SMOX: variants seen among roughly 807,000 people sequenced by gnomAD.
The protein encoded by SMOX is flavin containing amine oxidase.
Under a neutral mutation model 51.0 loss-of-function variants are expected in SMOX, and 22 were observed. That is an observed-to-expected ratio of 0.43 (90% CI 0.31 to 0.62). The LOEUF is 0.62. SMOX is among the 20% of genes least tolerant of loss of function. The pLI, the probability that SMOX is intolerant of heterozygous loss-of-function variation, is 0.10. For synonymous variants in SMOX, 282 were observed against 307.8 expected (o/e 0.92, Z 0.88); for missense variants, 566 against 777.7 (o/e 0.73, Z 3.24).
intron 1 of SMOX, among the ~76,000 whole-genome samples, chr20:4,168,162 G>A (rs1415754462): frequency 6.6e-6 from 1 of 152,068 alleles, no homozygotes; most frequent in Admixed American, 6.6e-5. Flanking sequence ...CTGAGGTGGG[G>A]CTGCTGCCCT....
chr20:4,170,555 G>A lies in SMOX; in HGVS notation c.-26-4475G>A, dbSNP rs1367132137. Among the ~76,000 whole-genome samples, 10 of 152,054 alleles carry A rather than the reference G, an allele frequency of 6.6e-5. No individual in the cohort carries two copies. Among genetic ancestry groups the A allele is most frequent in the Non-Finnish European group, 1.3e-4 (9 of 68,014 alleles). On this transcript the variant is annotated intron_variant, in intron 1 of 6. Coordinates refer to ENST00000305958, the MANE Select transcript of SMOX (RefSeq NM_175839.3). This position sits in a 1 kb window ranked among gnomAD's most constrained non-coding sequence, Gnocchi z 4.6. ...CATCTCAGCTCACTGCAACTAGAGC[G>A]TAAATTTCTGAGGGTGTCAAAATGA...
intron 1 of SMOX, among the ~76,000 whole-genome samples, chr20:4,168,014 C>A (rs1194929460): frequency 1.3e-5 from 2 of 151,924 alleles, no homozygotes; most frequent in Non-Finnish European, 2.9e-5. Flanking sequence ...GAATCCAAAT[C>A]CCTCCCCAGA....
chr20:4,180,708 G>C (rs1161957311), intron 3 of SMOX, among the ~76,000 whole-genome samples: 2 of 151,778 alleles, frequency 1.3e-5, no homozygotes, highest in Middle Eastern at 3.4e-3. Flanking sequence ...ACCCCTTCAG[G>C]ATTCCTGACT....
chr20:4,187,169 A>G lies in SMOX; in HGVS notation c.1531-101A>G. 7.0e-7 allele frequency: 1 copy of G among 1,428,032 alleles called. No homozygotes were observed. The highest frequency in any genetic ancestry group is 9.4e-7 in the Non-Finnish European group (1 of 1,067,300). The allele number at this position is 1,428,032 out of a possible 1,614,324, so 88.5% of individuals were successfully genotyped here. A position where few individuals can be genotyped will look rare whatever the true frequency, so the allele number is the denominator to read the frequency against. On this transcript the variant is annotated intron_variant, in intron 6 of 6. Transcript: ENST00000305958. This position sits in a 1 kb window ranked among gnomAD's most constrained non-coding sequence, Gnocchi z 4.8. ...GCACCTGCGTCTCAGAGCCTCTCTA[A>G]TTTGTCATTGGGATGGGAGGTTCTG...
At chr20:4,156,705 G>T (rs1600795988) in intron 1 of SMOX, among the ~76,000 whole-genome samples, 1 of 152,196 alleles carries the variant, frequency 6.6e-6, no homozygotes, top group East Asian at 1.9e-4. Context: ...CCTGTCTGGT[G>T]CCTGGGATCC....
At chr20:4,174,692 G>T (rs187706822) in intron 1 of SMOX, among the ~76,000 whole-genome samples, 31 of 152,306 alleles carry the variant, frequency 2.0e-4, no homozygotes, top group African/African-American at 7.0e-4. Flanking sequence ...TAACAAGTTT[G>T]GGGGTGGGAT....
rs190712682 is a variant in SMOX at position 4,170,716 on chromosome 20, C to T, written c.-26-4314C>T. Reference sequence around the variant, plus strand: ...CGTCTTTGGCAACCCTGCCACAGGACGGGGTTTTTCCTCCCTCTTTTCCTC... The same window carrying T: ...CGTCTTTGGCAACCCTGCCACAGGATGGGGTTTTTCCTCCCTCTTTTCCTC... On this transcript the variant is annotated intron_variant, in intron 1 of 6. Coordinates refer to ENST00000305958, the MANE Select transcript of SMOX (RefSeq NM_175839.3). This position sits in a 1 kb window ranked among gnomAD's most constrained non-coding sequence, Gnocchi z 4.6. 1.6e-4 allele frequency among the ~76,000 whole-genome samples: 25 copies of T among 152,282 alleles called. No individual in the cohort carries two copies. In the East Asian group the frequency reaches 3.9e-3, roughly 24 times the overall value.
At position 4,182,175 on chromosome 20, in the gene SMOX, C is replaced by T. The variant is rs1381809864; in HGVS notation, c.696C>T (p.His232=). 1 of 1,613,484 alleles carries T rather than the reference C, an allele frequency of 6.2e-7. No individual in the cohort carries two copies. The highest frequency in any genetic ancestry group is 1.7e-5 in the Admixed American group (1 of 60,016). The part of the protein sequence containing the change: ...FGEWTEIPGA[H]HIIPSGFMRV... ...AGTGGACCGAGATCCCCGGCGCTCA[C>T]CACATCATCCCCTCGGGCTTCATGC... Residue 232 remains histidine (H), a synonymous_variant, in exon 5 of 7, where the codon CAC becomes CAT. Transcript: ENST00000305958. The surrounding 1 kb of genome is among the most constrained non-coding windows in gnomAD (Gnocchi z 8.4).
Position 4,166,133 on chromosome 20 carries a change from A to G in SMOX, c.-26-8897A>G, listed in dbSNP as rs1392297156. On this transcript the variant is annotated intron_variant, in intron 1 of 6. Transcript: ENST00000305958. This position sits in a 1 kb window ranked among gnomAD's most constrained non-coding sequence, Gnocchi z 4.2. ...CTAATCTGTTGTCAGAGTGTGATCT[A>G]TTGTCAGAGTGTGATCTATTGTCAG... Among the ~76,000 whole-genome samples the G allele has an allele frequency of 4.0e-5, 6 of 151,750 alleles. No individual in the cohort carries two copies. Among genetic ancestry groups the G allele is most frequent in the Non-Finnish European group, 7.4e-5 (5 of 67,866 alleles).
intron 1 of SMOX, among the ~76,000 whole-genome samples, chr20:4,160,020 T>A (rs1482868802): frequency 6.6e-6 from 1 of 152,218 alleles, no homozygotes; most frequent in African/African-American, 2.4e-5. Flanking sequence ...AGTTACTTGC[T>A]TTTTGAATTT....
rs1319902308 is a variant in SMOX, at chr20:4,149,954, G to T, written c.-27+977G>T. Among the ~76,000 whole-genome samples the T allele has an allele frequency of 6.6e-6, 1 of 152,122 alleles. No individual in the cohort carries two copies. Among genetic ancestry groups the T allele is most frequent in the East Asian group, 1.9e-4 (1 of 5,184 alleles). On this transcript the variant is annotated intron_variant, in intron 1 of 6. Transcript: ENST00000305958. The surrounding 1 kb of genome is among the most constrained non-coding windows in gnomAD (Gnocchi z 6.0). ...AGTGAAGCCCCCACATTTGCATTCG[G>T]CCACCACTGCCCCCTGGCCTCTTGT...
chr20:4,167,174 A>G lies in SMOX; in HGVS notation c.-26-7856A>G, dbSNP rs992332522. Among the ~76,000 whole-genome samples, 3 of 152,094 alleles carry G rather than the reference A, an allele frequency of 2.0e-5. No homozygotes were observed. Among genetic ancestry groups the G allele is most frequent in the African/African-American group, 4.8e-5 (2 of 41,424 alleles). ...ATTGAGGGGCTCAGGCCGAGTCAGT[A>G]TTGGGTTGGGGTCAGTCAGATACAG... is the stretch of plus-strand genomic sequence containing the variant. On this transcript the variant is annotated intron_variant, in intron 1 of 6. Transcript: ENST00000305958. The surrounding 1 kb of genome is among the most constrained non-coding windows in gnomAD (Gnocchi z 4.8).
intron 1 of SMOX, 126 bp from the exon 2 acceptor site, chr20:4,174,904 G>T: frequency 1.1e-6 from 1 of 872,844 alleles, no homozygotes. Context: ...AGAGAGGGAG[G>T]GAGAGGACTC....
intron 1 of SMOX, among the ~76,000 whole-genome samples, chr20:4,157,038 C>T (rs777977673): frequency 8.5e-5 from 13 of 152,190 alleles, no homozygotes; most frequent in Admixed American, 3.9e-4. Context: ...CCGCTGTGCC[C>T]GGCCATCTTC....
intron 2 of SMOX, among the ~76,000 whole-genome samples, chr20:4,176,489 G>A (rs1741317): frequency 0.39 from 59,393 of 151,944 alleles, 11,932 homozygotes; most frequent in East Asian, 0.43. Context: ...CAAAAAGTGT[G>A]CCACATATAT....
chr20:4,185,765 C>T (rs1170524149), intron 6 of SMOX, among the ~76,000 whole-genome samples: 26 of 108,216 alleles, frequency 2.4e-4, no homozygotes, highest in Non-Finnish European at 4.3e-4. Flanking sequence ...TGGTGGTGCA[C>T]ACCTGTAGTT....
intron 1 of SMOX, among the ~76,000 whole-genome samples, chr20:4,151,764 A>G (rs1360542115): frequency 6.6e-6 from 1 of 152,204 alleles, no homozygotes; most frequent in African/African-American, 2.4e-5. Flanking sequence ...TATTATATTT[A>G]TCACAGTTCA....
At chr20:4,178,852 T>G (rs1267526134) in intron 3 of SMOX, among the ~76,000 whole-genome samples, 1 of 152,046 alleles carries the variant, frequency 6.6e-6, no homozygotes, top group Non-Finnish European at 1.5e-5. Flanking sequence ...CCCAGCTAAT[T>G]TTGTATTTTT....
Position 4,187,205 on chromosome 20 carries a change from G to T in SMOX, c.1531-65G>T. 1.3e-6 allele frequency: 2 copies of T among 1,543,918 alleles called. No individual in the cohort carries two copies. Among genetic ancestry groups the T allele is most frequent in the Non-Finnish European group, 1.8e-6 (2 of 1,140,570 alleles). On this transcript the variant is annotated intron_variant, in intron 6 of 6. Transcript: ENST00000305958. This position sits in a 1 kb window ranked among gnomAD's most constrained non-coding sequence, Gnocchi z 4.8. ...GGATGGGAGGTTCTGGTGGAGAGGG[G>T]TGGCCTTGTGGCCTTCTGGCCTTTG...
Sources: allele counts gnomAD v4.1 joint callset (sites outside exome capture counted in the v4.1 genomes callset), GRCh38; gene constraint gnomAD v4.1.1; non-coding constraint Gnocchi (gnomAD v3.1); transcripts MANE v1.5; gene names NCBI Gene and HGNC (gene_info 2026-07-23, HGNC 2026-07-21).